ACO2: variants seen among roughly 807,000 people sequenced by gnomAD.
The protein encoded by ACO2 is aconitase 2.
Under a neutral mutation model 84.5 loss-of-function variants are expected in ACO2, and 31 were observed. The ratio of observed to expected loss-of-function variants is 0.37; its 90% confidence interval spans 0.28 to 0.50. ACO2 has a LOEUF of 0.50. Ranked by LOEUF, ACO2 falls within the 20% of genes least tolerant of loss-of-function variation. The pLI is 0.97. For synonymous variants in ACO2, 414 were observed against 412.7 expected (o/e 1.00, Z -0.04); for missense variants, 685 against 1,029.3 (o/e 0.67, Z 4.58).
At position 41,515,991 on chromosome 22, in the gene ACO2, C is replaced by T. The variant is rs778076233; in HGVS notation, c.835+74C>T. 47 of 1,535,488 alleles carry T rather than the reference C, an allele frequency of 3.1e-5. No individual in the cohort carries two copies. The highest frequency in any genetic ancestry group is 2.7e-4 in the Admixed American group (14 of 51,774). On this transcript the variant is annotated intron_variant, in intron 6 of 17. Coordinates refer to ENST00000216254, the MANE Select transcript of ACO2 (RefSeq NM_001098.3). This position sits in a 1 kb window ranked among gnomAD's most constrained non-coding sequence, Gnocchi z 5.8. ...ATGGGTCTCCAGTTGGGAGTAGAAG[C>T]GGTGAATGGCCTTCACTTGAGAATC...
At chr22:41,480,391 A>G (rs1178368204) in intron 1 of ACO2, among the ~76,000 whole-genome samples, 2 of 152,176 alleles carry the variant, frequency 1.3e-5, no homozygotes, top group African/African-American at 2.4e-5. Flanking sequence ...CAAATACAGA[A>G]GGAGTGGATA....
At chr22:41,499,936 G>C in intron 2 of ACO2, 74 bp downstream of exon 2, 3 of 1,574,810 alleles carry the variant, frequency 1.9e-6, no homozygotes, top group Non-Finnish European at 2.6e-6. Flanking sequence ...CAGAGAAGGA[G>C]GTGTTTTGTG....
intron 6 of ACO2, 99 bp downstream of exon 6, chr22:41,516,016 C>A: frequency 6.8e-7 from 1 of 1,469,406 alleles, no homozygotes; most frequent in South Asian, 1.2e-5. Context: ...ACTTGAGAAT[C>A]TGTCTGTTCC....
Position 41,525,293 on chromosome 22 carries a change from A to G in ACO2, c.1706A>G (p.Glu569Gly), listed in dbSNP as rs376270613. 2 of 1,613,926 alleles carry G rather than the reference A, an allele frequency of 1.2e-6. No individual in the cohort carries two copies. Among genetic ancestry groups the G allele is most frequent in the Non-Finnish European group, 1.7e-6 (2 of 1,180,000 alleles). Residue 569 changes from glutamate to glycine, a missense_variant, in exon 14 of 18, where the codon GAG becomes GGG. Glu to Gly is a moderately conservative substitution (Grantham distance 98). Around this residue, in one of 5 missense-constraint regions of ACO2, gnomAD observed 311 missense variants for 441.6 expected, o/e 0.70. Transcript: ENST00000216254. The part of the protein sequence containing the change: ...SPTSQRLQLL[E>G]PFDKWDGKDL... The stretch of plus-strand genomic sequence containing the variant: ...ACCAGCCAGCGCCTGCAGCTCCTGG[A>G]GCCTTTTGACAAGTGGGATGGCAAG...
In ACO2 at chr22:41,474,447, C is replaced by T. The variant is rs142345654; in HGVS notation, c.36+5265C>T. ...TTGCTGGGACTACAGGCGCCTGCCA[C>T]CACGTCTGGCTAATTTTTTGTGTGT... On this transcript the variant is annotated intron_variant, in intron 1 of 17. Coordinates refer to ENST00000216254, the MANE Select transcript of ACO2 (RefSeq NM_001098.3). Among the ~76,000 whole-genome samples the T allele has an allele frequency of 3.1e-3, 466 of 150,408 alleles. 3 individuals are homozygous for T. The highest frequency in any genetic ancestry group is 7.1e-3 in the Admixed American group (107 of 15,102).
At chr22:41,509,393 G>A (rs186212884) in intron 3 of ACO2, among the ~76,000 whole-genome samples, 6 of 152,336 alleles carry the variant, frequency 3.9e-5, no homozygotes, top group Admixed American at 3.9e-4. Flanking sequence ...TGCCTTCAGG[G>A]ATCTGCTTGT....
chr22:41,516,047 C>A lies in ACO2; in HGVS notation c.835+130C>A. On this transcript the variant is annotated intron_variant, in intron 6 of 17. Coordinates refer to ENST00000216254, the MANE Select transcript of ACO2 (RefSeq NM_001098.3). Reference sequence around the variant, plus strand: ...GTTCCATTTGGGGACTTGGGATAGACAGAGGTAGAAGGAAAATTGGAGACA... The same window carrying A: ...GTTCCATTTGGGGACTTGGGATAGAAAGAGGTAGAAGGAAAATTGGAGACA... The A allele has an allele frequency of 4.0e-6, 5 of 1,246,672 alleles. No homozygotes were observed. In the South Asian group the frequency reaches 6.4e-5, roughly 16 times the overall value. The allele number at this position is 1,246,672 out of a possible 1,614,324, so 77.2% of individuals were successfully genotyped here. A position where few individuals can be genotyped will look rare whatever the true frequency, so the allele number is the denominator to read the frequency against.
At chr22:41,494,165 T>G (rs1448883896) in intron 1 of ACO2, among the ~76,000 whole-genome samples, 1 of 152,188 alleles carries the variant, frequency 6.6e-6, no homozygotes, top group Non-Finnish European at 1.5e-5. Flanking sequence ...CATTTGTGTT[T>G]AACACTGTGA....
rs142382846 is a variant in ACO2, at chr22:41,470,761, A to G, written c.36+1579A>G. Among the ~76,000 whole-genome samples, 696 of 152,040 alleles carry G rather than the reference A, an allele frequency of 4.6e-3. 3 individuals carry two copies. Among genetic ancestry groups the G allele is most frequent in the Non-Finnish European group, 6.2e-3 (421 of 67,956 alleles). On this transcript the variant is annotated intron_variant, in intron 1 of 17. Coordinates refer to ENST00000216254, the MANE Select transcript of ACO2 (RefSeq NM_001098.3). ...TTTCACCCTGTTGACCAGGCTGGTC[A>G]CAAACTCCTGACCTCAAGTAATCGG...
chr22:41,482,484 T>TA (rs757483879), intron 1 of ACO2, among the ~76,000 whole-genome samples: 3 of 152,256 alleles, frequency 2.0e-5, no homozygotes, highest in Non-Finnish European at 2.9e-5. Context: ...AGGTGATAGT[T>TA]ACTCCAAAAC....
intron 11 of ACO2, 65 bp from the exon 12 acceptor site, chr22:41,523,765 T>G: frequency 7.0e-7 from 1 of 1,420,072 alleles, no homozygotes; most frequent in Admixed American, 1.7e-5. Context: ...CCAGCTTATC[T>G]GTCCTCGGGA....
intron 1 of ACO2, among the ~76,000 whole-genome samples, chr22:41,484,442 G>C (rs1430645273): frequency 6.6e-6 from 1 of 152,108 alleles, no homozygotes; most frequent in Non-Finnish European, 1.5e-5. Context: ...AGATGTCCCT[G>C]GATGGGCTTC....
intron 1 of ACO2, among the ~76,000 whole-genome samples, chr22:41,492,376 C>G (rs1029948226): frequency 1.3e-5 from 2 of 152,190 alleles, no homozygotes; most frequent in Non-Finnish European, 2.9e-5. Context: ...GTGGCTCATG[C>G]CTGTAATCCC....
chr22:41,469,139 T>A lies in ACO2; in HGVS notation c.-8T>A. On this transcript the variant is annotated 5_prime_UTR_variant, in exon 1 of 18. Transcript: ENST00000216254. ...TTTAATGCGACCTCATCTTTGTCAG[T>A]GCACAAAATGGCGCCCTACAGCCTA... 1 of 1,608,848 alleles carries A rather than the reference T, an allele frequency of 6.2e-7. No individual in the cohort carries two copies. The highest frequency in any genetic ancestry group is 8.5e-7 in the Non-Finnish European group (1 of 1,177,482).
In ACO2 at chr22:41,499,720, T is replaced by C. The variant is rs1246785006; in HGVS notation, c.37-6T>C. On this transcript the variant is annotated splice_polypyrimidine_tract_variant and splice_region_variant and intron_variant, in intron 1 of 17. Transcript: ENST00000216254. ...TTGACAGTGGCTGTCATGTTTCTTC[T>C]TGCAGAAAGCTCTGGGTGTGCGGCA... The C allele has an allele frequency of 1.9e-6, 3 of 1,611,016 alleles. No homozygotes were observed. Among genetic ancestry groups the C allele is most frequent in the Admixed American group, 1.7e-5 (1 of 59,906 alleles).
At chr22:41,519,807 C>A (rs200924876) in intron 8 of ACO2, among the ~76,000 whole-genome samples, 61 of 134,854 alleles carry the variant, frequency 4.5e-4, no homozygotes, top group African/African-American at 8.2e-4. Context: ...GACTCCATCT[C>A]AAAAAAAAAA....
At chr22:41,524,404 C>A (rs1008813761) in intron 12 of ACO2, among the ~76,000 whole-genome samples, 8 of 152,270 alleles carry the variant, frequency 5.3e-5, no homozygotes, top group African/African-American at 1.7e-4. Flanking sequence ...CTGGCCGTGA[C>A]TGGCACATGG....
In ACO2 at chr22:41,486,876, G is replaced by A. The variant is rs547466301; in HGVS notation, c.37-12850G>A. Among the ~76,000 whole-genome samples the A allele has an allele frequency of 5.8e-4, 87 of 150,668 alleles. 1 individual carries two copies. The highest frequency in any genetic ancestry group is 5.6e-3 in the Admixed American group (85 of 15,060). On this transcript the variant is annotated intron_variant, in intron 1 of 17. Coordinates refer to ENST00000216254, the MANE Select transcript of ACO2 (RefSeq NM_001098.3). The stretch of plus-strand genomic sequence containing the variant: ...TTCTTCTTCACTTTGCCACAACCAA[G>A]CTGCTTTTCTTTTGTTTTCTTTTTT...
intron 14 of ACO2, among the ~76,000 whole-genome samples, 157 bp downstream of exon 14, chr22:41,525,505 A>G (rs569114648): frequency 6.6e-6 from 1 of 152,330 alleles, no homozygotes. Context: ...AGGGTATCGC[A>G]ACGCAGTCCA....
Sources: allele counts gnomAD v4.1 joint callset (sites outside exome capture counted in the v4.1 genomes callset), GRCh38; gene constraint gnomAD v4.1.1; regional missense constraint gnomAD v4.1.1; non-coding constraint Gnocchi (gnomAD v3.1); transcripts MANE v1.5; gene names NCBI Gene and HGNC (gene_info 2026-07-23, HGNC 2026-07-21).